PTPN23: variants seen among roughly 807,000 people sequenced by gnomAD.
The protein encoded by PTPN23 is protein tyrosine phosphatase non-receptor type 23.
Under a neutral mutation model 156.3 loss-of-function variants are expected in PTPN23, and 72 were observed. The observed-to-expected ratio is 0.46, with a 90% CI of 0.38 to 0.56. The LOEUF (loss-of-function observed/expected upper bound fraction) is 0.56. Ranked by LOEUF, PTPN23 falls within the 20% of genes least tolerant of loss-of-function variation. PTPN23 has a pLI of 0.00. For missense variants in PTPN23, 1,974 were observed against 2,171.5 expected (o/e 0.91, Z 1.81); for synonymous variants, 957 against 899.6 (o/e 1.06, Z -1.14).
Position 47,381,121 on chromosome 3 carries a change from A to G in PTPN23, c.25A>G (p.Met9Val), listed in dbSNP as rs1437038756. Residue 9 changes from methionine to valine, a missense_variant, in exon 1 of 25, where the codon ATG becomes GTG. Around this residue, in one of 4 missense-constraint regions of PTPN23, gnomAD observed 726 missense variants for 929.5 expected, o/e 0.78. Coordinates refer to ENST00000265562, the MANE Select transcript of PTPN23 (RefSeq NM_015466.4). MEAVPRMP[M>V]IWLDLKEAGD... ...CATGGAGGCCGTGCCCCGCATGCCCATGATCTGGCTGGACCTGAAGGAGGC... is the reference window on the plus strand; with the variant it reads ...CATGGAGGCCGTGCCCCGCATGCCCGTGATCTGGCTGGACCTGAAGGAGGC... 3 of 1,587,652 alleles carry G rather than the reference A, an allele frequency of 1.9e-6. No individual in the cohort carries two copies. Among genetic ancestry groups the G allele is most frequent in the South Asian group, 1.1e-5 (1 of 87,018 alleles).
At chr3:47,403,146 G>A (rs1705036753) in intron 2 of PTPN23, among the ~76,000 whole-genome samples, 2 of 151,780 alleles carry the variant, frequency 1.3e-5, no homozygotes, top group African/African-American at 4.8e-5. Context: ...CGCCCCCCGG[G>A]GGTTCACGCC....
chr3:47,410,646 A>G lies in PTPN23; in HGVS notation c.2848A>G (p.Arg950Gly), dbSNP rs1195106276. 7 of 1,611,496 alleles carry G rather than the reference A, an allele frequency of 4.3e-6. No individual in the cohort carries two copies. Among genetic ancestry groups the G allele is most frequent in the South Asian group, 3.3e-5 (3 of 90,960 alleles). Reference protein sequence around the residue: ...SGIPAGFPAPRIGPQPQPHPQ... With the variant: ...SGIPAGFPAPGIGPQPQPHPQ... ...GATCCCCGCAGGTTTTCCAGCCCCA[A>G]GGATTGGGCCCCAGCCCCAGCCCCA... Residue 950 changes from arginine (R) to glycine (G), a missense_variant, in exon 20 of 25, where the codon AGG becomes GGG. By Grantham distance (125) the Arg-to-Gly change is moderately radical (BLOSUM62 -2). Transcript: ENST00000265562.
rs1705266466 is a variant in PTPN23, at chr3:47,410,874, C to T, written c.3076C>T (p.Pro1026Ser). 3 of 1,611,126 alleles carry T rather than the reference C, an allele frequency of 1.9e-6. No individual in the cohort carries two copies. The highest frequency in any genetic ancestry group is 2.7e-5 in the African/African-American group (2 of 74,670). Reference protein sequence around the residue: ...TQLYPGPAQDPLPAHSGALPF... With the variant: ...TQLYPGPAQDSLPAHSGALPF... ...GCTCTACCCAGGTCCCGCTCAAGAC[C>T]CTCTGCCAGCCCACTCAGGGGCTCT... The change falls in exon 20 of 25, where the codon CCT becomes TCT. Residue 1026 changes from proline to serine, a missense_variant. Physicochemically the swap from Pro to Ser is moderately conservative, Grantham distance 74 (BLOSUM62 -1). Transcript: ENST00000265562.
Position 47,413,016 on chromosome 3 carries a change from C to A in PTPN23, c.4742C>A (p.Ala1581Asp). 2 of 1,612,738 alleles carry A rather than the reference C, an allele frequency of 1.2e-6. No homozygotes were observed. Among genetic ancestry groups the A allele is most frequent in the Non-Finnish European group, 1.7e-6 (2 of 1,179,854 alleles). ...CCCTCCTCCTCCCTGGAATTGCTGG[C>A]CTCCTTGACCCCAGAGGCCTTCTCC... ...GPPSSSLELLASLTPEAFSLD... is the reference protein window; with the variant it reads ...GPPSSSLELLDSLTPEAFSLD... Residue 1581 changes from alanine (A) to aspartate (D), a missense_variant, in exon 25 of 25, where the codon GCC becomes GAC. By Grantham distance (126) the Ala-to-Asp change is moderately radical. Around this residue, in one of 4 missense-constraint regions of PTPN23, gnomAD observed 484 missense variants for 516.0 expected, o/e 0.94. Coordinates refer to ENST00000265562, the MANE Select transcript of PTPN23 (RefSeq NM_015466.4).
Position 47,409,931 on chromosome 3 carries a change from G to A in PTPN23, c.2133G>A (p.Glu711=). 6.4e-7 allele frequency: 1 copy of A among 1,570,676 alleles called. No individual in the cohort carries two copies. Among genetic ancestry groups the A allele is most frequent in the Non-Finnish European group, 8.6e-7 (1 of 1,159,790 alleles). ...TTTTTCCTTGCCTGTCGCACAGGGA[G>A]CTGAAGAAGAAGCCGCCGCCACGGC... ...EAARQQLLDR[E]LKKKPPPRPT... is the part of the protein sequence containing the mutation. Residue 711 remains glutamate, a synonymous_variant, in exon 20 of 25, where the codon GAG becomes GAA. Coordinates refer to ENST00000265562, the MANE Select transcript of PTPN23 (RefSeq NM_015466.4).
intron 1 of PTPN23, among the ~76,000 whole-genome samples, chr3:47,386,877 C>A (rs753659204): frequency 2.6e-4 from 39 of 152,174 alleles, no homozygotes; most frequent in Non-Finnish European, 4.9e-4. Context: ...AGGCCTATAT[C>A]CATTTCAGTT....
At position 47,410,357 on chromosome 3, in the gene PTPN23, G is replaced by T; in HGVS notation, c.2559G>T (p.Pro853=). ...GCAGTCCCTATGTGGGGGTAGGGCC[G>T]GCCCCACCAGTTGCAGGTCTCCCCT... The part of the protein sequence containing the change: ...VVSSPYVGVG[P]APPVAGLPSA... Residue 853 remains proline (P), a synonymous_variant, in exon 20 of 25, where the codon CCG becomes CCT. Coordinates refer to ENST00000265562, the MANE Select transcript of PTPN23 (RefSeq NM_015466.4). The T allele has an allele frequency of 1.2e-6, 2 of 1,609,078 alleles. No individual in the cohort carries two copies. The highest frequency in any genetic ancestry group is 8.5e-7 in the Non-Finnish European group (1 of 1,178,010).
intron 1 of PTPN23, among the ~76,000 whole-genome samples, chr3:47,393,258 T>G (rs1225338215): frequency 1.3e-5 from 2 of 152,126 alleles, no homozygotes; most frequent in African/African-American, 4.8e-5. Flanking sequence ...GTTCAAGCGA[T>G]TCTCCTGTCT....
rs770830112 is a variant in PTPN23, at chr3:47,411,946, A to G, written c.4052A>G (p.His1351Arg). 6.2e-7 allele frequency: 1 copy of G among 1,612,132 alleles called. No individual in the cohort carries two copies. The highest frequency in any genetic ancestry group is 2.2e-5 in the East Asian group (1 of 44,874). Residue 1351 changes from histidine (H) to arginine (R), a missense_variant, in exon 21 of 25, where the codon CAC becomes CGC. By Grantham distance (29) the His-to-Arg change is conservative. This residue lies in a region of PTPN23 where 484 missense variants were observed against 516.0 expected (regional missense o/e 0.94). Coordinates refer to ENST00000265562, the MANE Select transcript of PTPN23 (RefSeq NM_015466.4). This position sits in a 1 kb window ranked among gnomAD's most constrained non-coding sequence, Gnocchi z 6.3. ...CTCAAGCGCTCTCTTGTGCACCTGC[A>G]CTTCCCCACTTGGCCTGAGTTGTGA... ...QSLKRSLVHL[H>R]FPTWPELGLP...
At chr3:47,404,407 CTT>C (rs10647488) in intron 2 of PTPN23, among the ~76,000 whole-genome samples, 9 of 140,640 alleles carry the variant, frequency 6.4e-5, no homozygotes, top group Admixed American at 3.5e-4. Context: ...GAATGAGACT[CTT>C]TTTTTTTTTT....
chr3:47,381,476 C>T (rs971586389), intron 1 of PTPN23, among the ~76,000 whole-genome samples: 16 of 152,208 alleles, frequency 1.1e-4, no homozygotes, highest in Non-Finnish European at 2.1e-4. Flanking sequence ...CTCCTTCTGA[C>T]GCTCGGACCC....
Position 47,409,027 on chromosome 3 carries a change from C to T in PTPN23, c.1582C>T (p.Leu528=), listed in dbSNP as rs1187792976. The change falls in exon 16 of 25, where the codon CTG becomes TTG. Residue 528 remains leucine, a synonymous_variant. Transcript: ENST00000265562. ...AMNLHVGNLR[L]LSGPLDQVRA... is the part of the protein sequence containing the mutation. ...GAACCTGCACGTCGGCAACCTGCGC[C>T]TGCTCAGCGGGCCGCTTGACCAGGT... 1.2e-6 allele frequency: 2 copies of T among 1,614,038 alleles called. No individual in the cohort carries two copies. Among genetic ancestry groups the T allele is most frequent in the Non-Finnish European group, 1.7e-6 (2 of 1,180,028 alleles).
chr3:47,393,516 G>T (rs1351806765), intron 1 of PTPN23, among the ~76,000 whole-genome samples: 1 of 152,166 alleles, frequency 6.6e-6, no homozygotes, highest in African/African-American at 2.4e-5. Flanking sequence ...GATAGATAGA[G>T]AGAGATCCCA....
rs1248352508 is a variant in PTPN23, at chr3:47,410,335, G to A, written c.2537G>A (p.Ser846Asn). The change falls in exon 20 of 25, where the codon AGT becomes AAT. Residue 846 changes from serine (S) to asparagine (N), a missense_variant. Physicochemically the swap from Ser to Asn is conservative, Grantham distance 46 (BLOSUM62 1). This residue lies in a region of PTPN23 where 731 missense variants were observed against 669.1 expected (regional missense o/e 1.09). Transcript: ENST00000265562. ...RSSPQHGVVS[S>N]PYVGVGPAPP... ...TCCCCACAGCATGGCGTGGTGAGCA[G>A]TCCCTATGTGGGGGTAGGGCCGGCC... The A allele has an allele frequency of 5.6e-6, 9 of 1,607,562 alleles. No homozygotes were observed. The highest frequency in any genetic ancestry group is 7.6e-6 in the Non-Finnish European group (9 of 1,177,114).
At position 47,381,059 on chromosome 3, in the gene PTPN23, T is replaced by G. The variant is rs1704523747; in HGVS notation, c.-38T>G. 6.4e-7 allele frequency: 1 copy of G among 1,553,764 alleles called. No individual in the cohort carries two copies. The highest frequency in any genetic ancestry group is 2.4e-5 in the East Asian group (1 of 41,056). ...TGGCTGAGCCAGCAGCTGCAGCAGC[T>G]ACGGGAGTGGCCGGGTGGCCGGCGG... On this transcript the variant is annotated 5_prime_UTR_variant, in exon 1 of 25. Transcript: ENST00000265562.
At chr3:47,392,605 C>T (rs1404289398) in intron 1 of PTPN23, among the ~76,000 whole-genome samples, 1 of 152,096 alleles carries the variant, frequency 6.6e-6, no homozygotes, top group Non-Finnish European at 1.5e-5. Context: ...AAATGCCTGT[C>T]AGCTCCCTAA....
In PTPN23 at chr3:47,405,045, A is replaced by G; in HGVS notation, c.328A>G (p.Ile110Val). The G allele has an allele frequency of 6.2e-7, 1 of 1,614,210 alleles. No homozygotes were observed. The change falls in exon 4 of 25, where the codon ATC becomes GTC. Residue 110 changes from isoleucine to valine, a missense_variant. This residue lies in a region of PTPN23 where 726 missense variants were observed against 929.5 expected (regional missense o/e 0.78). Coordinates refer to ENST00000265562, the MANE Select transcript of PTPN23 (RefSeq NM_015466.4). This position sits in a 1 kb window ranked among gnomAD's most constrained non-coding sequence, Gnocchi z 4.7. ...FSGKSVAHED[I>V]KYEQACILYN... ...AGGCAAGTCTGTGGCCCATGAGGAC[A>G]TCAAGTACGAGCAGGCCTGTATTCT...
At chr3:47,397,369 G>A (rs1704900888) in intron 2 of PTPN23, among the ~76,000 whole-genome samples, 1 of 152,208 alleles carries the variant, frequency 6.6e-6, no homozygotes, top group African/African-American at 2.4e-5. Context: ...CACCTGTGAA[G>A]TGCAATAAAA....
Position 47,412,369 on chromosome 3 carries a change from C to A in PTPN23, c.4265C>A (p.Pro1422His). Residue 1422 changes from proline (P) to histidine (H), a missense_variant, in exon 23 of 25, where the codon CCT becomes CAT. Pro to His is a moderately conservative substitution (Grantham distance 77). Around this residue, in one of 4 missense-constraint regions of PTPN23, gnomAD observed 484 missense variants for 516.0 expected, o/e 0.94. Coordinates refer to ENST00000265562, the MANE Select transcript of PTPN23 (RefSeq NM_015466.4). ...GCTGGGAACGGAATCCCTGAGCTGC[C>A]TCAGCTGGTGCGGCGCATGCGGCAG... ...VEAGNGIPELPQLVRRMRQQR... is the reference protein window; with the variant it reads ...VEAGNGIPELHQLVRRMRQQR... The A allele has an allele frequency of 6.2e-7, 1 of 1,613,224 alleles. No individual in the cohort carries two copies. The highest frequency in any genetic ancestry group is 1.1e-5 in the South Asian group (1 of 91,088).
Sources: allele counts gnomAD v4.1 joint callset (sites outside exome capture counted in the v4.1 genomes callset), GRCh38; gene constraint gnomAD v4.1.1; regional missense constraint gnomAD v4.1.1; non-coding constraint Gnocchi (gnomAD v3.1); transcripts MANE v1.5; gene names NCBI Gene and HGNC (gene_info 2026-07-23, HGNC 2026-07-21).